Variants in RIC1 observed in about 807,000 individuals in gnomAD.
RIC1 encodes guanine nucleotide exchange factor subunit RIC1.
In RIC1, 88 loss-of-function variants were observed where a neutral mutation model predicts 169.0. That is an observed-to-expected ratio of 0.52 (90% confidence interval 0.44 to 0.62). The LOEUF (loss-of-function observed/expected upper bound fraction) is 0.62, where lower values mean the gene tolerates loss of function less well. Among genes scored for constraint, RIC1 ranks in the 20% least tolerant of loss-of-function variants. RIC1 has a pLI of 0.00. For synonymous variants in RIC1, 790 were observed against 601.5 expected (o/e 1.31, Z -4.59); for missense variants, 1,877 against 1,725.5 (o/e 1.09, Z -1.56).
At chr9:5,745,181 T>C (rs1825305836) in intron 10 of RIC1, among the ~76,000 whole-genome samples, 1 of 152,198 alleles carries the variant, frequency 6.6e-6, no homozygotes, top group Admixed American at 6.5e-5. Flanking sequence ...CTAAGCATTA[T>C]TAGTTAAAAC....
intron 2 of RIC1, among the ~76,000 whole-genome samples, chr9:5,675,927 CAAT>C (rs1450448336): frequency 1.3e-5 from 2 of 152,126 alleles, no homozygotes; most frequent in African/African-American, 4.8e-5. Context: ...GCAAAAATAA[CAAT>C]GAGAAAATTA....
In RIC1 at chr9:5,732,387, G is replaced by A; in HGVS notation, c.721-1G>A. The A allele has an allele frequency of 3.1e-6, 5 of 1,605,074 alleles. No homozygotes were observed. The highest frequency in any genetic ancestry group is 4.3e-6 in the Non-Finnish European group (5 of 1,175,930). On this transcript the variant is annotated splice_acceptor_variant, in intron 6 of 25. Transcript: ENST00000414202. LOFTEE classifies it high-confidence loss of function. Reference sequence around the variant, plus strand: ...GCCTTAACTATTTTTCTTTATTATAGCAGCTTCATGGAGTTTGGCCACAAG... The same window carrying A: ...GCCTTAACTATTTTTCTTTATTATAACAGCTTCATGGAGTTTGGCCACAAG...
intron 4 of RIC1, among the ~76,000 whole-genome samples, chr9:5,716,688 C>T (rs1026910331): frequency 1.3e-5 from 2 of 152,170 alleles, no homozygotes; most frequent in Admixed American, 6.5e-5. Context: ...CTGACATCGC[C>T]CTACTACGCC....
intron 4 of RIC1, among the ~76,000 whole-genome samples, chr9:5,714,294 A>T (rs2130831799): frequency 6.6e-6 from 1 of 152,322 alleles, no homozygotes; most frequent in Middle Eastern, 3.4e-3. Flanking sequence ...ATTTCCCAAA[A>T]CAATACTGAT....
In RIC1 at chr9:5,762,500, A is replaced by G. The variant is rs758601795; in HGVS notation, c.1993-41A>G. On this transcript the variant is annotated intron_variant, in intron 17 of 25. Transcript: ENST00000414202. ...GGGGGGAGATGCGGAAAGCATACCGATACAGAAGTATGAATTTAGCTGCTT... is the reference window on the plus strand; with the variant it reads ...GGGGGGAGATGCGGAAAGCATACCGGTACAGAAGTATGAATTTAGCTGCTT... 6 of 1,611,264 alleles carry G rather than the reference A, an allele frequency of 3.7e-6. No homozygotes were observed. The Admixed American group carries it at 6.7e-5, about 18-fold the overall frequency.
intron 2 of RIC1, among the ~76,000 whole-genome samples, chr9:5,659,024 A>G (rs368464057): frequency 4.6e-5 from 7 of 152,236 alleles, no homozygotes; most frequent in African/African-American, 1.7e-4. Flanking sequence ...TGATAGGGAA[A>G]AGTACTTTAA....
Position 5,732,274 on chromosome 9 carries a change from G to T in RIC1, c.721-114G>T, listed in dbSNP as rs923725176. 3 of 813,910 alleles carry T rather than the reference G, an allele frequency of 3.7e-6. No homozygotes were observed. In the African/African-American group the frequency reaches 5.2e-5, roughly 14 times the overall value. 50.4% of individuals were successfully genotyped at this position (813,910 alleles called of 1,614,324 possible). A position where few individuals can be genotyped will look rare whatever the true frequency, so the allele number is the denominator to read the frequency against. On this transcript the variant is annotated intron_variant, in intron 6 of 25. Coordinates refer to ENST00000414202, the MANE Select transcript of RIC1 (RefSeq NM_020829.4). Reference sequence around the variant, plus strand: ...TCCTGGTGGGATATTTTCCTCTGCAGATGAAACCAAATAAAGCATTATGAA... The same window carrying T: ...TCCTGGTGGGATATTTTCCTCTGCATATGAAACCAAATAAAGCATTATGAA...
intron 3 of RIC1, among the ~76,000 whole-genome samples, chr9:5,711,984 A>G (rs924641786): frequency 6.6e-6 from 1 of 152,094 alleles, no homozygotes; most frequent in Non-Finnish European, 1.5e-5. Context: ...ATTGTTGAAC[A>G]TTTGGGTTGG....
At chr9:5,684,547 C>T (rs908795123) in intron 2 of RIC1, among the ~76,000 whole-genome samples, 1 of 151,780 alleles carries the variant, frequency 6.6e-6, no homozygotes, top group Non-Finnish European at 1.5e-5. Context: ...TCTAATTGTT[C>T]TTATTAGTAT....
chr9:5,636,559 T>C (rs1046986043), intron 1 of RIC1, among the ~76,000 whole-genome samples: 1 of 152,220 alleles, frequency 6.6e-6, no homozygotes, highest in South Asian at 2.1e-4. Flanking sequence ...CCTCAGTTGA[T>C]CTGCCTGCCT....
intron 2 of RIC1, 51 bp from the exon 3 acceptor site, chr9:5,689,908 A>G (rs1586954530): frequency 1.7e-6 from 2 of 1,193,580 alleles, no homozygotes; most frequent in Middle Eastern, 2.1e-4. Flanking sequence ...ATTCAGGGTT[A>G]CAGTTATAGC....
At chr9:5,765,600 C>G (rs751943741) in intron 20 of RIC1, 28 bp downstream of exon 20, 4 of 1,613,982 alleles carry the variant, frequency 2.5e-6, no homozygotes, top group African/African-American at 1.3e-5. Context: ...CACATCTTCT[C>G]TAGGCCATAC....
chr9:5,714,005 T>C lies in RIC1; in HGVS notation c.440+2T>C, dbSNP rs1823089459. 6.3e-7 allele frequency: 1 copy of C among 1,595,512 alleles called. No individual in the cohort carries two copies. The highest frequency in any genetic ancestry group is 1.1e-5 in the South Asian group (1 of 90,406). ...GGATTTACAAGCACCCATCATGAGG[T>C]ACAGTACTTTGGTTAAATTTGACAT... On this transcript the variant is annotated splice_donor_variant, in intron 4 of 25. Transcript: ENST00000414202. LOFTEE classifies it high-confidence loss of function.
intron 2 of RIC1, among the ~76,000 whole-genome samples, chr9:5,666,945 A>G (rs1343306101): frequency 2.6e-5 from 4 of 152,116 alleles, no homozygotes; most frequent in Non-Finnish European, 5.9e-5. Flanking sequence ...ATTACTGGTA[A>G]TGTTCTTTCT....
At chr9:5,676,417 G>A (rs10975229) in intron 2 of RIC1, among the ~76,000 whole-genome samples, 48,589 of 151,996 alleles carry the variant, frequency 0.32, 8,379 homozygotes, top group East Asian at 0.57. Flanking sequence ...TCTAGGCACT[G>A]TTGTAGTGCT....
intron 17 of RIC1, among the ~76,000 whole-genome samples, chr9:5,760,709 A>T (rs1182760543): frequency 6.6e-6 from 1 of 152,158 alleles, no homozygotes; most frequent in Non-Finnish European, 1.5e-5. Context: ...TACTTTCTGG[A>T]TAGATAACCA....
At chr9:5,755,252 G>C (rs1825937710) in intron 15 of RIC1, among the ~76,000 whole-genome samples, 1 of 152,126 alleles carries the variant, frequency 6.6e-6, no homozygotes, top group East Asian at 1.9e-4. Context: ...GATTTATTTA[G>C]TTACTGATTT....
chr9:5,682,832 G>C (rs892425002), intron 2 of RIC1, among the ~76,000 whole-genome samples: 2 of 152,130 alleles, frequency 1.3e-5, no homozygotes, highest in African/African-American at 4.8e-5. Flanking sequence ...TTTTCACATA[G>C]TCCTATATTT....
chr9:5,678,312 G>C (rs1390701126), intron 2 of RIC1, among the ~76,000 whole-genome samples: 2 of 152,108 alleles, frequency 1.3e-5, no homozygotes, highest in African/African-American at 4.8e-5. Flanking sequence ...AAACATACGT[G>C]TGCATGTGTC....
Sources: gnomAD v4.1 joint callset for allele counts (sites outside exome capture counted in the v4.1 genomes callset) on GRCh38, gnomAD v4.1.1 for gene constraint, MANE v1.5 for transcripts, NCBI Gene and HGNC (gene_info 2026-07-23, HGNC 2026-07-21) for gene names.